Variants in SLC25A21 observed in about 807,000 individuals in gnomAD.
The protein encoded by SLC25A21 is solute carrier family 25 member 21, also known as mitochondrial 2-oxodicarboxylate carrier.
Under a neutral mutation model 43.8 loss-of-function variants are expected in SLC25A21, and 47 were observed. The observed-to-expected ratio is 1.07, with a 90% CI of 0.85 to 1.37. The LOEUF is 1.37. Ranked by LOEUF, SLC25A21 falls within the 40% of genes most tolerant of loss-of-function variation. The pLI, the probability that SLC25A21 is intolerant of heterozygous loss-of-function variation, is 0.00. For missense variants in SLC25A21, 352 were observed against 350.2 expected (o/e 1.00, Z -0.04); for synonymous variants, 131 against 121.3 (o/e 1.08, Z -0.52).
chr14:37,146,248 C>G (rs182442652), intron 1 of SLC25A21, among the ~76,000 whole-genome samples: 2 of 152,118 alleles, frequency 1.3e-5, no homozygotes, highest in Non-Finnish European at 2.9e-5. Flanking sequence ...AGGGATACAC[C>G]AGAGTACCAA....
chr14:36,767,769 T>C (rs1886469009), intron 3 of SLC25A21, among the ~76,000 whole-genome samples: 1 of 152,210 alleles, frequency 6.6e-6, no homozygotes, highest in Non-Finnish European at 1.5e-5. Flanking sequence ...CTAAGCCTGT[T>C]TAGCTGACAC....
At chr14:36,689,671 A>G (rs1324190876) in intron 7 of SLC25A21, among the ~76,000 whole-genome samples, 1 of 152,162 alleles carries the variant, frequency 6.6e-6, no homozygotes, top group African/African-American at 2.4e-5. Context: ...GTGATTCTCA[A>G]AGTGTGTTCC....
At position 36,748,229 on chromosome 14, in the gene SLC25A21, C is replaced by T. The variant is rs35292532; in HGVS notation, c.204-13656G>A. Among the ~76,000 whole-genome samples the T allele has an allele frequency of 7.8e-3, 1,187 of 152,300 alleles. 9 individuals are homozygous for T. The highest frequency in any genetic ancestry group is 0.011 in the Non-Finnish European group (752 of 68,010). On this transcript the variant is annotated intron_variant, in intron 3 of 9. Coordinates refer to ENST00000331299, the MANE Select transcript of SLC25A21 (RefSeq NM_030631.4). ...ATTTCATTCTACCTCCTGGCTCTAA[C>T]GCTTCTTCCCTGACTATGCCTCTAA...
At chr14:37,007,582 G>A (rs1409606087) in intron 1 of SLC25A21, among the ~76,000 whole-genome samples, 1 of 128,216 alleles carries the variant, frequency 7.8e-6, no homozygotes, top group Non-Finnish European at 1.7e-5. Flanking sequence ...CAGCCTGACA[G>A]ACAAGACTCC....
intron 1 of SLC25A21, among the ~76,000 whole-genome samples, chr14:36,894,308 A>G (rs1053247636): frequency 6.6e-6 from 1 of 152,152 alleles, no homozygotes; most frequent in African/African-American, 2.4e-5. Flanking sequence ...GCAATTGTGA[A>G]TGGGAGTTCA....
intron 1 of SLC25A21, among the ~76,000 whole-genome samples, chr14:37,004,793 G>A (rs1157661256): frequency 6.6e-6 from 1 of 151,728 alleles, no homozygotes; most frequent in East Asian, 1.9e-4. Context: ...AGGGGGCAGA[G>A]CCGAGACTCA....
intron 1 of SLC25A21, among the ~76,000 whole-genome samples, chr14:37,164,903 C>T (rs569771153): frequency 2.4e-4 from 36 of 152,312 alleles, no homozygotes; most frequent in African/African-American, 8.2e-4. Context: ...TCTTATTTGA[C>T]TCTTTGAAGG....
At chr14:36,815,979 C>T (rs376997156) in intron 2 of SLC25A21, among the ~76,000 whole-genome samples, 6 of 152,106 alleles carry the variant, frequency 3.9e-5, no homozygotes, top group East Asian at 1.9e-4. Context: ...ATGAACGCAA[C>T]GTCTACTTCT....
intron 2 of SLC25A21, among the ~76,000 whole-genome samples, chr14:36,844,423 AC>A (rs1274160542): frequency 1.3e-5 from 2 of 152,340 alleles, no homozygotes; most frequent in South Asian, 2.1e-4. Flanking sequence ...TGCTAGCAGC[AC>A]ACAAGGGGAG....
chr14:36,754,742 A>AG (rs962489549), intron 3 of SLC25A21, among the ~76,000 whole-genome samples: 7 of 151,986 alleles, frequency 4.6e-5, no homozygotes, highest in African/African-American at 1.5e-4. Context: ...AGAGAAAAAA[A>AG]AAGAGATAAA....
Position 37,102,933 on chromosome 14 carries a change from C to T in SLC25A21, c.70+69348G>A, listed in dbSNP as rs555416698. On this transcript the variant is annotated intron_variant, in intron 1 of 9. Coordinates refer to ENST00000331299, the MANE Select transcript of SLC25A21 (RefSeq NM_030631.4). ...CCAGGAGGCAGAGGTTGCAGTGACC[C>T]GAGATCATGCCATGCCACTGCACTC... Among the ~76,000 whole-genome samples the T allele has an allele frequency of 2.0e-4, 30 of 151,048 alleles. 1 individual carries two copies. Among genetic ancestry groups the T allele is most frequent in the African/African-American group, 7.1e-4 (29 of 41,086 alleles).
rs148838330 is a variant in SLC25A21 at position 36,713,236 on chromosome 14, T to TA, written c.439-1755dup. Reference sequence around the variant, plus strand: ...AAGTGCAAATGACAATGGCTTTCCCTAAAAACATGGGTATAAAGATGTTTC... The same window carrying TA: ...AAGTGCAAATGACAATGGCTTTCCCTAAAAAACATGGGTATAAAGATGTTTC... On this transcript the variant is annotated intron_variant, in intron 6 of 9. Coordinates refer to ENST00000331299, the MANE Select transcript of SLC25A21 (RefSeq NM_030631.4). Among the ~76,000 whole-genome samples, 1,184 of 152,308 alleles carry TA rather than the reference T, an allele frequency of 7.8e-3. 16 individuals are homozygous for TA. Among genetic ancestry groups the TA allele is most frequent in the African/African-American group, 0.022 (915 of 41,580 alleles).
At chr14:37,166,644 T>G (rs1400249484) in intron 1 of SLC25A21, among the ~76,000 whole-genome samples, 1 of 152,252 alleles carries the variant, frequency 6.6e-6, no homozygotes, top group Non-Finnish European at 1.5e-5. Flanking sequence ...TTTTATTATT[T>G]GCATCATTCA....
chr14:37,166,936 T>C (rs1964039110), intron 1 of SLC25A21, among the ~76,000 whole-genome samples: 2 of 152,160 alleles, frequency 1.3e-5, no homozygotes, highest in Admixed American at 1.3e-4. Context: ...CCTCTAGTCT[T>C]TCAGTTAAGA....
intron 1 of SLC25A21, among the ~76,000 whole-genome samples, chr14:36,992,476 T>C (rs1028070935): frequency 3.9e-5 from 6 of 152,162 alleles, no homozygotes; most frequent in Admixed American, 2.6e-4. Context: ...ACACTAATTC[T>C]AAGAAAGGCG....
chr14:36,749,847 C>G (rs1885638105), intron 3 of SLC25A21, among the ~76,000 whole-genome samples: 1 of 152,198 alleles, frequency 6.6e-6, no homozygotes, highest in Admixed American at 6.5e-5. Context: ...TTGCAGCACC[C>G]CCATCTGAGT....
At chr14:36,946,502 T>C (rs374785208) in intron 1 of SLC25A21, among the ~76,000 whole-genome samples, 2 of 152,282 alleles carry the variant, frequency 1.3e-5, no homozygotes, top group African/African-American at 4.8e-5. Flanking sequence ...AATGAAAGTT[T>C]AGTGTTTGTG....
chr14:37,009,164 A>T (rs1337650728), intron 1 of SLC25A21, among the ~76,000 whole-genome samples: 1 of 152,160 alleles, frequency 6.6e-6, no homozygotes, highest in African/African-American at 2.4e-5. Context: ...TAATAGGCTT[A>T]ATGTTTTTCT....
chr14:37,084,397 G>C (rs527752973), intron 1 of SLC25A21, among the ~76,000 whole-genome samples: 1 of 152,326 alleles, frequency 6.6e-6, no homozygotes, highest in Non-Finnish European at 1.5e-5. Context: ...AGGCAATTTT[G>C]AGATGTACTG....
Sources: allele counts gnomAD v4.1 joint callset (sites outside exome capture counted in the v4.1 genomes callset), GRCh38; gene constraint gnomAD v4.1.1; transcripts MANE v1.5; gene names NCBI Gene and HGNC (gene_info 2026-07-23, HGNC 2026-07-21).